Variants in DYDC2 observed in about 807,000 individuals in gnomAD.
The protein encoded by DYDC2 is DPY30 domain-containing protein 2.
In DYDC2, 19 loss-of-function variants were observed where a neutral mutation model predicts 18.7. The observed-to-expected ratio is 1.02, with a 90% CI of 0.71 to 1.49. The LOEUF (loss-of-function observed/expected upper bound fraction) is 1.49, where lower values mean the gene tolerates loss of function less well. Among genes scored for constraint, DYDC2 ranks in the 40% most tolerant of loss-of-function variants. The pLI is 0.00. For missense variants in DYDC2, 179 were observed against 205.1 expected (o/e 0.87, Z 0.78); for synonymous variants, 63 against 67.6 (o/e 0.93, Z 0.34).
chr10:80,353,909 C>A (rs1843169908), upstream of DYDC2, among the ~76,000 whole-genome samples: 1 of 152,012 alleles, frequency 6.6e-6, no homozygotes, highest in African/African-American at 2.4e-5. Flanking sequence ...GTAGTGACTT[C>A]CTTGGAGCCC....
intron 1 of DYDC2, among the ~76,000 whole-genome samples, chr10:80,348,946 C>A (rs1842824932): frequency 6.6e-6 from 1 of 152,148 alleles, no homozygotes; most frequent in South Asian, 2.1e-4. Flanking sequence ...GGCTGGACTG[C>A]AGTGGCGCGA....
chr10:80,358,908 C>T (rs1843565201), intron 2 of DYDC2, among the ~76,000 whole-genome samples: 1 of 152,170 alleles, frequency 6.6e-6, no homozygotes, highest in African/African-American at 2.4e-5. Context: ...TGGTGGGTTG[C>T]TGGTCTCCCT....
At chr10:80,364,047 T>A (rs1265922814) in intron 4 of DYDC2, among the ~76,000 whole-genome samples, 2 of 152,196 alleles carry the variant, frequency 1.3e-5, no homozygotes, top group East Asian at 3.8e-4. Context: ...AATTGCAATG[T>A]TGGGTTTGAT....
Position 80,367,204 on chromosome 10 carries a change from A to AT in DYDC2, c.*253_*254insT. The AT allele has an allele frequency of 7.4e-6, 3 of 405,306 alleles. No individual in the cohort carries two copies. The highest frequency in any genetic ancestry group is 4.3e-5 in the Admixed American group (1 of 23,246). 25.1% of individuals were successfully genotyped at this position (405,306 alleles called of 1,614,324 possible). Reference sequence around the variant, plus strand: ...CTCTTGTTTTATCAACGTTTTGGAGACTACACAATGAAAACACATCTGTTG... The same window carrying AT: ...CTCTTGTTTTATCAACGTTTTGGAGATCTACACAATGAAAACACATCTGTTG... On this transcript the variant is annotated 3_prime_UTR_variant, in exon 5 of 5. Coordinates refer to ENST00000256039, the MANE Select transcript of DYDC2 (RefSeq NM_032372.6).
chr10:80,352,408 G>A (rs1843048442), upstream of DYDC2: 3 of 1,501,582 alleles, frequency 2.0e-6, no homozygotes, highest in East Asian at 7.3e-5. Flanking sequence ...AGACAAGTTG[G>A]ACCAGTTTTT....
intron 1 of DYDC2, among the ~76,000 whole-genome samples, chr10:80,347,299 T>TGCTA (rs1842720300): frequency 1.4e-5 from 1 of 72,436 alleles, no homozygotes; most frequent in African/African-American, 5.0e-5. Context: ...TTTTTTTTTT[T>TGCTA]TTTTTTGCTA....
At chr10:80,362,732 G>C (rs1843702816) in intron 3 of DYDC2, 142 bp downstream of exon 3, 14 of 1,395,874 alleles carry the variant, frequency 1.0e-5, no homozygotes, top group Non-Finnish European at 1.4e-5. Context: ...TATCCCTGAA[G>C]CATGGGGATC....
At chr10:80,345,760 G>A (rs1842578044) in intron 1 of DYDC2, among the ~76,000 whole-genome samples, 2 of 151,812 alleles carry the variant, frequency 1.3e-5, no homozygotes. Context: ...CAAATGGCAG[G>A]ACCTACTTCT....
chr10:80,360,947 A>G (rs1172003349), intron 2 of DYDC2, among the ~76,000 whole-genome samples: 1 of 151,322 alleles, frequency 6.6e-6, no homozygotes, highest in African/African-American at 2.4e-5. Flanking sequence ...TAATTTTTGT[A>G]TTTTTTGTGG....
At chr10:80,354,129 A>AATAT (rs1208621866), upstream of DYDC2, among the ~76,000 whole-genome samples, 171 of 147,672 alleles carry the variant, frequency 1.2e-3, 1 homozygote, top group African/African-American at 4.0e-3. Flanking sequence ...TATAAAAAAA[A>AATAT]ATATATATAT....
At chr10:80,356,677 C>A, upstream of DYDC2, 1 of 984,436 alleles carries the variant, frequency 1.0e-6, no homozygotes, top group Non-Finnish European at 1.2e-6. Flanking sequence ...GGGAACAAAT[C>A]CCAAAAACAG....
At chr10:80,345,149 C>G (rs959846247) in intron 1 of DYDC2, among the ~76,000 whole-genome samples, 1 of 152,174 alleles carries the variant, frequency 6.6e-6, no homozygotes, top group African/African-American at 2.4e-5. Flanking sequence ...GTTATTGATC[C>G]AGCAGTGTCA....
chr10:80,351,786 T>C (rs1420113115), upstream of DYDC2: 4 of 883,326 alleles, frequency 4.5e-6, no homozygotes, highest in Non-Finnish European at 7.0e-6. Flanking sequence ...ATGAAGATAT[T>C]AGGAAGCCAT....
At chr10:80,351,508 C>T (rs1361808859) in intron 1 of DYDC2, among the ~76,000 whole-genome samples, 1 of 152,092 alleles carries the variant, frequency 6.6e-6, no homozygotes, top group Admixed American at 6.6e-5. Flanking sequence ...TCCATCCACA[C>T]TGTTCCCGCC....
upstream of DYDC2, among the ~76,000 whole-genome samples, chr10:80,353,327 A>T (rs1014962052): frequency 1.3e-5 from 2 of 150,946 alleles, no homozygotes; most frequent in Admixed American, 6.6e-5. Context: ...TGTCTGGCTA[A>T]TTTTTTTTGT....
At chr10:80,355,939 AAGACCAAAACGCTACAC>A (rs1277002734), upstream of DYDC2, among the ~76,000 whole-genome samples, 1 of 151,956 alleles carries the variant, frequency 6.6e-6, no homozygotes, top group East Asian at 1.9e-4. Context: ...ATATACCTGA[AAGACCAAAACGCTACAC>A]AGACATCTCA....
intron 1 of DYDC2, among the ~76,000 whole-genome samples, chr10:80,357,398 G>A (rs762856582): frequency 7.9e-5 from 12 of 152,014 alleles, no homozygotes; most frequent in Non-Finnish European, 1.8e-4. Flanking sequence ...TGGAGGAGTA[G>A]GGGCACACAA....
At chr10:80,365,383 A>T (rs1056795273) in intron 4 of DYDC2, among the ~76,000 whole-genome samples, 1 of 152,256 alleles carries the variant, frequency 6.6e-6, no homozygotes, top group Non-Finnish European at 1.5e-5. Context: ...CATTAAGCAG[A>T]TGCAGCTTTA....
intron 1 of DYDC2, among the ~76,000 whole-genome samples, chr10:80,350,837 C>T (rs1842936606): frequency 6.6e-6 from 1 of 152,104 alleles, no homozygotes; most frequent in African/African-American, 2.4e-5. Context: ...CTGGAACTTT[C>T]CTCTCTCCAG....
Sources: gnomAD v4.1 joint callset for allele counts (sites outside exome capture counted in the v4.1 genomes callset) on GRCh38, gnomAD v4.1.1 for gene constraint, MANE v1.5 for transcripts, NCBI Gene and HGNC (gene_info 2026-07-23, HGNC 2026-07-21) for gene names.